Variants in SBF2 observed in about 807,000 individuals in gnomAD.
The protein encoded by SBF2 is myotubularin-related protein 13.
A neutral mutation model predicts 225.2 loss-of-function variants in SBF2; 112 were observed. That is an observed-to-expected ratio of 0.50 (90% CI 0.43 to 0.58). The LOEUF (loss-of-function observed/expected upper bound fraction) is 0.58. Among genes scored for constraint, SBF2 ranks in the 20% least tolerant of loss-of-function variants. The pLI, the probability that SBF2 is intolerant of heterozygous loss-of-function variation, is 0.00. For missense variants in SBF2, 1,996 were observed against 2,206.2 expected, an observed-to-expected ratio of 0.90 and a Z score of 1.91; for synonymous variants, 763 against 773.3, an observed-to-expected ratio of 0.99 and a Z score of 0.22.
At chr11:10,237,358 A>AAAC (rs892236539) in intron 1 of SBF2, among the ~76,000 whole-genome samples, 2 of 150,398 alleles carry the variant, frequency 1.3e-5, no homozygotes, top group African/African-American at 4.8e-5. Flanking sequence ...AAAAACACAA[A>AAAC]AACAACAACA....
intron 3 of SBF2, among the ~76,000 whole-genome samples, chr11:10,042,201 G>A (rs1949681134): frequency 2.6e-5 from 4 of 152,152 alleles, no homozygotes; most frequent in Non-Finnish European, 5.9e-5. Context: ...ACCAAGCTGG[G>A]CTGTTCCTAG....
chr11:10,020,334 G>C (rs1169646964), intron 6 of SBF2, among the ~76,000 whole-genome samples: 1 of 152,052 alleles, frequency 6.6e-6, no homozygotes, highest in African/African-American at 2.4e-5. Context: ...TACAACTCCA[G>C]TAAACACACT....
chr11:9,816,920 T>C lies in SBF2; in HGVS notation c.3898A>G (p.Ser1300Gly). The change falls in exon 29 of 40, where the codon AGT (serine) becomes GGT (glycine). Residue 1300 changes from serine to glycine, a missense_variant. By Grantham distance (56) the Ser-to-Gly change is moderately conservative (BLOSUM62 0). Coordinates refer to ENST00000256190, the MANE Select transcript of SBF2 (RefSeq NM_030962.4). ...LAGKDHSASF[S>G]NSSYLQNQLL... ...TGGTTTTGTAGGTAGCTGCTGTTAC[T>C]GAAGGAGGCCGAGTGATCCTTGCCT... The C allele has an allele frequency of 1.2e-6, 2 of 1,614,196 alleles. No homozygotes were observed. The highest frequency in any genetic ancestry group is 1.7e-6 in the Non-Finnish European group (2 of 1,180,030).
chr11:10,299,592 A>C (rs1410273437), intron 1 of SBF2, among the ~76,000 whole-genome samples: 1 of 152,230 alleles, frequency 6.6e-6, no homozygotes, highest in East Asian at 1.9e-4. Context: ...GAGAATTTCA[A>C]AACAGCTTCA....
At chr11:10,194,284 C>T (rs1957284935) in intron 1 of SBF2, among the ~76,000 whole-genome samples, 1 of 151,930 alleles carries the variant, frequency 6.6e-6, no homozygotes, top group African/African-American at 2.4e-5. Flanking sequence ...CTTAAAAATA[C>T]AGTATAACAA....
intron 16 of SBF2, among the ~76,000 whole-genome samples, chr11:9,955,384 C>G (rs1327172784): frequency 6.6e-6 from 1 of 151,968 alleles, no homozygotes; most frequent in Non-Finnish European, 1.5e-5. Flanking sequence ...CTTTTGCCTA[C>G]TTAGCAATAT....
chr11:9,786,927 C>G (rs943078613), intron 36 of SBF2, among the ~76,000 whole-genome samples: 10 of 152,146 alleles, frequency 6.6e-5, no homozygotes, highest in African/African-American at 2.4e-4. Flanking sequence ...GAGTCTTGTT[C>G]TGTCACGAGG....
intron 1 of SBF2, among the ~76,000 whole-genome samples, chr11:10,213,801 G>C (rs1958027937): frequency 6.6e-6 from 1 of 152,164 alleles, no homozygotes; most frequent in African/African-American, 2.4e-5. Flanking sequence ...AATACCTGGA[G>C]TCATTCAAAT....
intron 1 of SBF2, among the ~76,000 whole-genome samples, chr11:10,202,390 T>C (rs927849864): frequency 3.3e-5 from 5 of 152,220 alleles, no homozygotes; most frequent in Non-Finnish European, 7.3e-5. Context: ...CATGTTCAAG[T>C]TTCCGGCAGT....
intron 2 of SBF2, among the ~76,000 whole-genome samples, chr11:10,157,952 C>G (rs1047170529): frequency 6.6e-6 from 1 of 151,928 alleles, no homozygotes; most frequent in Non-Finnish European, 1.5e-5. Context: ...CAAAACAAGT[C>G]GTAACAAATT....
chr11:10,065,776 C>T (rs545331161), intron 2 of SBF2, among the ~76,000 whole-genome samples: 32 of 152,006 alleles, frequency 2.1e-4, no homozygotes, highest in Admixed American at 3.3e-4. Flanking sequence ...GGTGAAACCC[C>T]GTCTCTACTA....
chr11:10,001,162 ATTTTGG>A, intron 7 of SBF2, 140 bp from the exon 8 acceptor site: 1 of 609,672 alleles, frequency 1.6e-6, no homozygotes, highest in South Asian at 1.9e-5. Flanking sequence ...TAATACTAAA[ATTTTGG>A]AAAAAATGAT....
intron 1 of SBF2, among the ~76,000 whole-genome samples, chr11:10,261,548 C>T (rs1961433595): frequency 6.6e-6 from 1 of 152,110 alleles, no homozygotes; most frequent in Admixed American, 6.5e-5. Flanking sequence ...AGATGGTATA[C>T]CACTTTGGGA....
intron 6 of SBF2, among the ~76,000 whole-genome samples, chr11:10,017,269 T>C (rs1273188402): frequency 6.6e-6 from 1 of 152,252 alleles, no homozygotes; most frequent in Non-Finnish European, 1.5e-5. Context: ...TAGAAGACTA[T>C]GTCTCAGCTT....
intron 1 of SBF2, among the ~76,000 whole-genome samples, chr11:10,231,180 T>C (rs1053222782): frequency 6.6e-6 from 1 of 152,200 alleles, no homozygotes; most frequent in Non-Finnish European, 1.5e-5. Context: ...TAAGGACTTC[T>C]CAGTATTGGT....
At chr11:9,916,664 C>T (rs1428374930) in intron 16 of SBF2, among the ~76,000 whole-genome samples, 3 of 147,390 alleles carry the variant, frequency 2.0e-5, no homozygotes, top group African/African-American at 7.6e-5. Flanking sequence ...GTGGTGCAGT[C>T]ATGGCTCACT....
At chr11:10,191,649 G>T (rs1172205739) in intron 2 of SBF2, among the ~76,000 whole-genome samples, 1 of 152,160 alleles carries the variant, frequency 6.6e-6, no homozygotes, top group African/African-American at 2.4e-5. Flanking sequence ...AAATCTTAGG[G>T]AGGAAAAGTT....
chr11:9,886,266 A>G (rs567103892), intron 17 of SBF2, among the ~76,000 whole-genome samples: 43 of 152,360 alleles, frequency 2.8e-4, no homozygotes, highest in Non-Finnish European at 4.7e-4. Context: ...CAAAGTAGAA[A>G]TTCTGCAACT....
At chr11:9,920,407 T>C (rs1017791807) in intron 16 of SBF2, among the ~76,000 whole-genome samples, 3 of 152,100 alleles carry the variant, frequency 2.0e-5, no homozygotes, top group Admixed American at 2.0e-4. Context: ...GTGTGTAGTT[T>C]ATGAGACCTG....
Sources: allele counts gnomAD v4.1 joint callset (sites outside exome capture counted in the v4.1 genomes callset), GRCh38; gene constraint gnomAD v4.1.1; transcripts MANE v1.5; gene names NCBI Gene and HGNC (gene_info 2026-07-23, HGNC 2026-07-21).